The following HERC1 variants were observed in gnomAD, a reference collection of about 807,000 sequenced individuals.
HERC1 encodes HECT and RLD domain containing E3 ubiquitin protein ligase family member 1.
In HERC1, 160 loss-of-function variants were observed where a neutral mutation model predicts 554.3. That is an observed-to-expected ratio of 0.29 (90% CI 0.25 to 0.33). The LOEUF is 0.33. HERC1 is among the 10% of genes least tolerant of loss of function. HERC1 has a pLI of 1.00. For synonymous variants in HERC1, 2,175 were observed against 2,131.7 expected, an observed-to-expected ratio of 1.02 and a Z score of -0.56; for missense variants, 4,919 against 5,918.5, an observed-to-expected ratio of 0.83 and a Z score of 5.54.
chr15:63,805,301 G>T (rs2077103608), intron 1 of HERC1, among the ~76,000 whole-genome samples: 1 of 152,126 alleles, frequency 6.6e-6, no homozygotes, highest in Admixed American at 6.5e-5. Flanking sequence ...CAAGCAAAAT[G>T]AATAATAAGC....
At chr15:63,642,843 T>C (rs1265059378) in intron 59 of HERC1, 114 bp downstream of exon 59, 5 of 684,214 alleles carry the variant, frequency 7.3e-6, no homozygotes, top group South Asian at 1.7e-5. Context: ...TTTGGACAAG[T>C]AGTAATCCCT....
chr15:63,669,476 AT>A, intron 40 of HERC1, 61 bp downstream of exon 40: 1 of 1,496,450 alleles, frequency 6.7e-7, no homozygotes, highest in Non-Finnish European at 9.3e-7. Flanking sequence ...TGCCCACATA[AT>A]AAAGTCCCAC....
intron 51 of HERC1, among the ~76,000 whole-genome samples, chr15:63,652,798 G>T (rs118083377): frequency 6.6e-5 from 10 of 152,016 alleles, no homozygotes; most frequent in African/African-American, 2.4e-4. Context: ...TTACAGGCAC[G>T]TGCCACCACA....
At position 63,829,581 on chromosome 15, in the gene HERC1, A is replaced by G. The variant is rs1423997093; in HGVS notation, c.-27+4246T>C. 4.9e-4 allele frequency among the ~76,000 whole-genome samples: 68 copies of G among 138,448 alleles called. 1 individual carries two copies. The South Asian group carries it at 0.015, about 30-fold the overall frequency. The allele number at this position is 138,448 out of a possible 152,430, so 90.8% of individuals were successfully genotyped here. A position where few individuals can be genotyped will look rare whatever the true frequency, so the allele number is the denominator to read the frequency against. On this transcript the variant is annotated intron_variant, in intron 1 of 77. Transcript: ENST00000443617. ...TGTGTGTATATATATATATATATAT[A>G]TATATATATATATAATATACTGATA...
At chr15:63,621,881 A>C (rs1270612393) in intron 74 of HERC1, among the ~76,000 whole-genome samples, 2 of 151,934 alleles carry the variant, frequency 1.3e-5, no homozygotes, top group Non-Finnish European at 2.9e-5. Flanking sequence ...TATTCTAGTT[A>C]GCCATTCGTC....
chr15:63,669,499 G>C, intron 40 of HERC1, 39 bp downstream of exon 40: 1 of 1,594,138 alleles, frequency 6.3e-7, no homozygotes, highest in Non-Finnish European at 8.6e-7. Flanking sequence ...CATCTGGAAT[G>C]CCAACTTTGG....
At chr15:63,750,128 A>T (rs2075185534) in intron 8 of HERC1, among the ~76,000 whole-genome samples, 1 of 152,162 alleles carries the variant, frequency 6.6e-6, no homozygotes, top group Non-Finnish European at 1.5e-5. Context: ...CCATCTTAAA[A>T]CTTCTCCTTT....
Position 63,635,983 on chromosome 15 carries a change from A to G in HERC1, c.12392T>C (p.Leu4131Ser), listed in dbSNP as rs1334943102. Residue 4131 changes from leucine (L) to serine (S), a missense_variant, in exon 65 of 78, where the codon TTA becomes TCA. Physicochemically the swap from Leu to Ser is moderately radical, Grantham distance 145. Around this residue, in one of 11 missense-constraint regions of HERC1, gnomAD observed 122 missense variants for 195.2 expected, o/e 0.63. Coordinates refer to ENST00000443617, the MANE Select transcript of HERC1 (RefSeq NM_003922.4). ...GACCTGCACCACTTCTTCTCCTTGT[A>G]AGGCCTCGATCTGCCTGGGCCGCCG... Reference protein sequence around the residue: ...RQRRPRQIEALQGEEVVQMSC... With the variant: ...RQRRPRQIEASQGEEVVQMSC... The G allele has an allele frequency of 6.2e-7, 1 of 1,613,956 alleles. No individual in the cohort carries two copies. The highest frequency in any genetic ancestry group is 1.1e-5 in the South Asian group (1 of 91,074).
chr15:63,635,027 T>C (rs2152817163), intron 65 of HERC1, 139 bp from the exon 66 acceptor site: 3 of 584,598 alleles, frequency 5.1e-6, no homozygotes, highest in South Asian at 3.2e-5. Context: ...ACCAATGCTT[T>C]TAAAAATTTT....
At chr15:63,765,688 C>T (rs11639343) in intron 2 of HERC1, among the ~76,000 whole-genome samples, 77,184 of 151,652 alleles carry the variant, frequency 0.51, 20,577 homozygotes, top group Non-Finnish European at 0.55. Context: ...CCCCCCACCT[C>T]GAGTTATCCC....
In HERC1 at chr15:63,739,324, A is replaced by G. The variant is rs192960918; in HGVS notation, c.2521-4475T>C. ...GCGATTCTCCTGCCTCAGCCTCCCA[A>G]GCGGCTAGGACTACAAGCACACGCC... On this transcript the variant is annotated intron_variant, in intron 12 of 77. Coordinates refer to ENST00000443617, the MANE Select transcript of HERC1 (RefSeq NM_003922.4). 1.4e-3 allele frequency among the ~76,000 whole-genome samples: 214 copies of G among 149,826 alleles called. 3 individuals are homozygous for G. Among genetic ancestry groups the G allele is most frequent in the Admixed American group, 0.014 (204 of 14,910 alleles).
chr15:63,627,674 GAA>G (rs534164130), intron 70 of HERC1, among the ~76,000 whole-genome samples: 6 of 94,532 alleles, frequency 6.3e-5, no homozygotes, highest in Admixed American at 1.2e-4. Context: ...ACTCTGTCTC[GAA>G]AAAAAAAAAA....
intron 12 of HERC1, among the ~76,000 whole-genome samples, chr15:63,744,839 T>C (rs1434676591): frequency 6.6e-6 from 1 of 152,180 alleles, no homozygotes; most frequent in Non-Finnish European, 1.5e-5. Flanking sequence ...TATTTGGTAC[T>C]CTGTCCCTCC....
chr15:63,619,390 C>T (rs1302608817), intron 74 of HERC1, among the ~76,000 whole-genome samples: 3 of 152,088 alleles, frequency 2.0e-5, no homozygotes, highest in South Asian at 2.1e-4. Context: ...TTGCTGGATT[C>T]GGTTTGCCAG....
At chr15:63,655,719 T>C in intron 50 of HERC1, 23 bp downstream of exon 50, 1 of 1,439,048 alleles carries the variant, frequency 6.9e-7, no homozygotes. Context: ...GAAGACTGTA[T>C]GTTTCAGTAG....
chr15:63,825,114 G>C (rs761502307), intron 1 of HERC1, among the ~76,000 whole-genome samples: 8 of 152,112 alleles, frequency 5.3e-5, no homozygotes, highest in Admixed American at 6.5e-5. Flanking sequence ...TTCGAGAGCA[G>C]TCTGGCCAAC....
intron 50 of HERC1, among the ~76,000 whole-genome samples, chr15:63,655,166 C>T (rs1041383976): frequency 1.3e-5 from 2 of 151,948 alleles, no homozygotes; most frequent in African/African-American, 4.8e-5. Context: ...CAAGCCTGGC[C>T]AACATGGCGA....
intron 1 of HERC1, among the ~76,000 whole-genome samples, chr15:63,833,032 T>A (rs1458172542): frequency 6.6e-6 from 1 of 152,142 alleles, no homozygotes; most frequent in Non-Finnish European, 1.5e-5. Flanking sequence ...TAACATGTCT[T>A]TTACATAACC....
intron 47 of HERC1, among the ~76,000 whole-genome samples, chr15:63,659,177 A>C (rs998258446): frequency 6.6e-6 from 1 of 152,130 alleles, no homozygotes; most frequent in African/African-American, 2.4e-5. Flanking sequence ...CTTAACACCA[A>C]GTTTTTTTTT....
Sources: allele counts gnomAD v4.1 joint callset (sites outside exome capture counted in the v4.1 genomes callset), GRCh38; gene constraint gnomAD v4.1.1; regional missense constraint gnomAD v4.1.1; transcripts MANE v1.5; gene names NCBI Gene and HGNC (gene_info 2026-07-23, HGNC 2026-07-21).